LRRTM4: variants seen among roughly 807,000 people sequenced by gnomAD.
LRRTM4 encodes leucine rich repeat transmembrane neuronal 4.
In LRRTM4, 25 loss-of-function variants were observed where a neutral mutation model predicts 47.6. The ratio of observed to expected loss-of-function variants is 0.53; its 90% CI spans 0.38 to 0.73. LRRTM4 has a LOEUF of 0.73. LRRTM4 is among the 30% of genes least tolerant of loss of function. The pLI is 0.00. For missense variants in LRRTM4, 638 were observed against 713.4 expected, an observed-to-expected ratio of 0.89 and a Z score of 1.20; for synonymous variants, 311 against 269.5, an observed-to-expected ratio of 1.15 and a Z score of -1.51.
At chr2:76,767,460 T>G (rs1286144140) in intron 3 of LRRTM4, among the ~76,000 whole-genome samples, 1 of 152,190 alleles carries the variant, frequency 6.6e-6, no homozygotes, top group East Asian at 1.9e-4. Context: ...GGCACAGGTG[T>G]GAAATGACTT....
intron 3 of LRRTM4, among the ~76,000 whole-genome samples, chr2:76,979,416 A>C (rs919781351): frequency 2.0e-5 from 3 of 151,988 alleles, no homozygotes; most frequent in African/African-American, 7.2e-5. Flanking sequence ...CAAGGTGCTC[A>C]TATGTTAGAC....
intron 3 of LRRTM4, among the ~76,000 whole-genome samples, chr2:77,394,729 A>G (rs1228326573): frequency 2.0e-5 from 3 of 152,002 alleles, no homozygotes; most frequent in Non-Finnish European, 4.4e-5. Flanking sequence ...TTTGGGGTAG[A>G]GACTTAATGT....
At chr2:77,170,964 G>A (rs1000536795) in intron 3 of LRRTM4, among the ~76,000 whole-genome samples, 16 of 53,416 alleles carry the variant, frequency 3.0e-4, no homozygotes, top group African/African-American at 4.5e-4. Flanking sequence ...TTATATGTAC[G>A]TATACTAAAG....
intron 3 of LRRTM4, among the ~76,000 whole-genome samples, chr2:76,953,751 G>A (rs1473194243): frequency 6.6e-6 from 1 of 152,070 alleles, no homozygotes. Flanking sequence ...GAGGGAAAAA[G>A]TAGAGTAGAA....
chr2:76,960,428 A>C (rs1573371417), intron 3 of LRRTM4, among the ~76,000 whole-genome samples: 1 of 151,810 alleles, frequency 6.6e-6, no homozygotes, highest in East Asian at 2.0e-4. Flanking sequence ...CAAAATATTT[A>C]AAGTTTTTCT....
At chr2:77,356,544 G>A (rs1232125494) in intron 3 of LRRTM4, among the ~76,000 whole-genome samples, 1 of 152,140 alleles carries the variant, frequency 6.6e-6, no homozygotes, top group Non-Finnish European at 1.5e-5. Context: ...CAATTTTGGT[G>A]GTTAAAATCG....
intron 3 of LRRTM4, chr2:76,985,877 T>G (rs2103977419): frequency 6.6e-6 from 1 of 152,032 alleles, no homozygotes; most frequent in African/African-American, 2.4e-5. Flanking sequence ...AAGAATGAAT[T>G]TGCCCCACTC....
At chr2:77,379,843 A>G (rs1672984615) in intron 3 of LRRTM4, among the ~76,000 whole-genome samples, 1 of 152,124 alleles carries the variant, frequency 6.6e-6, no homozygotes, top group African/African-American at 2.4e-5. Context: ...GAATTTCAGA[A>G]ATCTGCTCTC....
intron 3 of LRRTM4, among the ~76,000 whole-genome samples, chr2:77,245,736 T>G (rs1170180920): frequency 6.6e-6 from 1 of 152,164 alleles, no homozygotes. Context: ...TTTTAACATC[T>G]ACATGTAGCA....
intron 3 of LRRTM4, among the ~76,000 whole-genome samples, chr2:77,477,913 A>G (rs1677485717): frequency 1.7e-5 from 1 of 59,442 alleles, no homozygotes; most frequent in Non-Finnish European, 4.0e-5. Context: ...AAAAGAAAGA[A>G]AGAAAGAAAG....
chr2:76,844,155 G>A (rs2103944759), intron 3 of LRRTM4, among the ~76,000 whole-genome samples: 1 of 148,342 alleles, frequency 6.7e-6, no homozygotes, highest in South Asian at 2.2e-4. Flanking sequence ...CCTGCCTCAA[G>A]ACAGACTCTC....
At chr2:77,214,696 A>G (rs1196100605) in intron 3 of LRRTM4, among the ~76,000 whole-genome samples, 1 of 152,014 alleles carries the variant, frequency 6.6e-6, no homozygotes, top group Non-Finnish European at 1.5e-5. Flanking sequence ...TTTTTATATA[A>G]ATCTTTTTTT....
intron 3 of LRRTM4, among the ~76,000 whole-genome samples, chr2:77,334,561 T>A (rs770798043): frequency 6.6e-6 from 1 of 152,162 alleles, no homozygotes; most frequent in East Asian, 1.9e-4. Context: ...TGTGACTTAC[T>A]CCTCCTTGCC....
At chr2:77,298,450 G>T (rs918639315) in intron 3 of LRRTM4, among the ~76,000 whole-genome samples, 2 of 152,134 alleles carry the variant, frequency 1.3e-5, no homozygotes, top group African/African-American at 2.4e-5. Context: ...TGTTAGCCAG[G>T]ATGGTCTCGT....
chr2:77,399,311 T>C (rs893096398), intron 3 of LRRTM4, among the ~76,000 whole-genome samples: 1 of 151,830 alleles, frequency 6.6e-6, no homozygotes, highest in Non-Finnish European at 1.5e-5. Flanking sequence ...CACATATGCA[T>C]TACCTCATAC....
intron 3 of LRRTM4, among the ~76,000 whole-genome samples, chr2:77,002,504 T>C (rs1215865023): frequency 2.0e-5 from 3 of 152,188 alleles, no homozygotes; most frequent in Non-Finnish European, 2.9e-5. Context: ...CATTGTTAAC[T>C]GGAAATACAA....
intron 3 of LRRTM4, among the ~76,000 whole-genome samples, chr2:76,922,000 G>C (rs930879426): frequency 2.0e-5 from 3 of 152,022 alleles, no homozygotes; most frequent in Non-Finnish European, 2.9e-5. Flanking sequence ...AAATAATCTT[G>C]CTATCTGTTG....
At chr2:77,061,171 T>C (rs1013180372) in intron 3 of LRRTM4, among the ~76,000 whole-genome samples, 1 of 152,128 alleles carries the variant, frequency 6.6e-6, no homozygotes, top group Admixed American at 6.5e-5. Context: ...GTCCTTCTTA[T>C]ATCACAATGT....
chr2:77,093,832 G>T (rs955960454), intron 3 of LRRTM4, among the ~76,000 whole-genome samples: 1 of 151,776 alleles, frequency 6.6e-6, no homozygotes, highest in African/African-American at 2.4e-5. Flanking sequence ...GCCGGTCCTT[G>T]CCTTAAGTGA....
Sources: gnomAD v4.1 joint callset for allele counts (sites outside exome capture counted in the v4.1 genomes callset) on GRCh38, gnomAD v4.1.1 for gene constraint, MANE v1.5 for transcripts, NCBI Gene and HGNC (gene_info 2026-07-23, HGNC 2026-07-21) for gene names.